Variants in KIAA1671 observed in about 807,000 individuals in gnomAD.
The protein encoded by KIAA1671 is KIAA1671.
Under a neutral mutation model 131.2 loss-of-function variants are expected in KIAA1671, and 52 were observed. That is an observed-to-expected ratio of 0.40 (90% CI 0.32 to 0.50). KIAA1671 has a LOEUF of 0.50. Ranked by LOEUF, KIAA1671 falls within the 20% of genes least tolerant of loss-of-function variation. KIAA1671 has a pLI of 0.73. For synonymous variants in KIAA1671, 1,003 were observed against 961.6 expected (o/e 1.04, Z -0.80); for missense variants, 2,360 against 2,364.2 (o/e 1.00, Z 0.04).
chr22:25,040,066 A>G lies in KIAA1671; in HGVS notation c.2936A>G (p.Tyr979Cys). 6.4e-7 allele frequency: 1 copy of G among 1,551,710 alleles called. No individual in the cohort carries two copies. Among genetic ancestry groups the G allele is most frequent in the Non-Finnish European group, 8.7e-7 (1 of 1,147,004 alleles). ...SPHVGHRRTD[Y>C]VSPTASALRK... ...CATGTGGGGCACAGACGAACAGATTATGTGAGCCCCACAGCCAGTGCCTTA... is the reference window on the plus strand; with the variant it reads ...CATGTGGGGCACAGACGAACAGATTGTGTGAGCCCCACAGCCAGTGCCTTA... Residue 979 changes from tyrosine to cysteine, a missense_variant, in exon 5 of 13, where the codon TAT (tyrosine) becomes TGT (cysteine). Physicochemically the swap from Tyr to Cys is radical, Grantham distance 194 (BLOSUM62 -2). This residue lies in a region of KIAA1671 where 1,161 missense variants were observed against 1,204.7 expected (regional missense o/e 0.96). Transcript: ENST00000358431.
At chr22:25,124,801 G>A (rs1375045593) in intron 6 of KIAA1671, among the ~76,000 whole-genome samples, 1 of 152,184 alleles carries the variant, frequency 6.6e-6, no homozygotes, top group East Asian at 1.9e-4. Context: ...CTGTTACCCA[G>A]GCTGGAGTGC....
At chr22:25,167,127 G>A (rs527646605) in intron 6 of KIAA1671, among the ~76,000 whole-genome samples, 1 of 152,226 alleles carries the variant, frequency 6.6e-6, no homozygotes, top group Non-Finnish European at 1.5e-5. Context: ...TGTCGATGGT[G>A]CTGTGCCTCT....
intron 6 of KIAA1671, among the ~76,000 whole-genome samples, chr22:25,152,812 C>G (rs1933094562): frequency 6.6e-6 from 1 of 152,148 alleles, no homozygotes; most frequent in African/African-American, 2.4e-5. Flanking sequence ...ACCATGTTGG[C>G]CAGGCTGGTC....
intron 1 of KIAA1671, chr22:25,012,246 A>T (rs1781514593): frequency 6.6e-6 from 1 of 151,018 alleles, no homozygotes; most frequent in South Asian, 2.1e-4. Context: ...CTGTTGTTTT[A>T]TTTTTAAATT....
At chr22:25,183,451 TCC>T (rs1407569259) in intron 10 of KIAA1671, among the ~76,000 whole-genome samples, 5 of 52,886 alleles carry the variant, frequency 9.5e-5, no homozygotes, top group African/African-American at 2.5e-4. Context: ...CCTCCCTCCC[TCC>T]CTCCCTCCCT....
intron 11 of KIAA1671, among the ~76,000 whole-genome samples, chr22:25,187,437 G>A (rs577321527): frequency 6.6e-6 from 1 of 151,980 alleles, no homozygotes; most frequent in African/African-American, 2.4e-5. Context: ...CCATATGAAT[G>A]TTTTCCCGTG....
chr22:25,058,823 T>TA (rs1469501521), intron 6 of KIAA1671: 1 of 152,258 alleles, frequency 6.6e-6, no homozygotes, highest in Non-Finnish European at 1.5e-5. Context: ...CCTCATCACT[T>TA]ACGTCTGGTG....
At chr22:25,085,871 C>T (rs139989301) in intron 6 of KIAA1671, among the ~76,000 whole-genome samples, 33 of 152,130 alleles carry the variant, frequency 2.2e-4, no homozygotes, top group African/African-American at 6.0e-4. Context: ...GTCCCTGACA[C>T]ATAGTAGGCA....
chr22:25,152,278 T>C (rs1244498958), intron 6 of KIAA1671, among the ~76,000 whole-genome samples: 2 of 152,182 alleles, frequency 1.3e-5, no homozygotes, highest in Admixed American at 1.3e-4. Context: ...GTAGAGTGAC[T>C]GGGACCCAGG....
At chr22:25,180,455 T>C (rs1363838463) in intron 9 of KIAA1671, among the ~76,000 whole-genome samples, 1 of 152,056 alleles carries the variant, frequency 6.6e-6, no homozygotes, top group Non-Finnish European at 1.5e-5. Flanking sequence ...GGAGAATCGA[T>C]TGAACCCAGG....
intron 9 of KIAA1671, among the ~76,000 whole-genome samples, chr22:25,178,674 C>G (rs1217295598): frequency 3.9e-5 from 6 of 152,218 alleles, no homozygotes; most frequent in Non-Finnish European, 5.9e-5. Context: ...AGACTCAGGG[C>G]AGGTCCCCAA....
At chr22:25,021,777 G>A (rs1169256259) in intron 1 of KIAA1671, among the ~76,000 whole-genome samples, 4 of 151,784 alleles carry the variant, frequency 2.6e-5, no homozygotes, top group African/African-American at 4.8e-5. Context: ...TTGCCAATCC[G>A]TTCCTGGCTC....
chr22:24,953,547 A>AGTCC (rs1921529596), intron 1 of KIAA1671, among the ~76,000 whole-genome samples: 1 of 151,938 alleles, frequency 6.6e-6, no homozygotes, highest in Non-Finnish European at 1.5e-5. Context: ...ATTAAGCCTC[A>AGTCC]GTCCCCCTGT....
intron 3 of KIAA1671, 66 bp downstream of exon 3, chr22:25,029,606 C>T (rs980401965): frequency 6.6e-5 from 81 of 1,218,894 alleles, no homozygotes; most frequent in Middle Eastern, 2.3e-4. Context: ...AAGACGGAAC[C>T]AGGCTCCATG....
intron 6 of KIAA1671, among the ~76,000 whole-genome samples, chr22:25,158,386 C>T (rs1933315557): frequency 6.6e-6 from 1 of 152,156 alleles, no homozygotes; most frequent in African/African-American, 2.4e-5. Flanking sequence ...CAGTTCCTGA[C>T]CTCAGGGAGC....
chr22:25,025,441 C>T (rs1009209522), intron 1 of KIAA1671, among the ~76,000 whole-genome samples, 192 bp from the exon 2 acceptor site: 1 of 152,102 alleles, frequency 6.6e-6, no homozygotes, highest in African/African-American at 2.4e-5. Flanking sequence ...TTATTGAGCA[C>T]GTACTGTGGG....
intron 6 of KIAA1671, among the ~76,000 whole-genome samples, chr22:25,090,388 A>T (rs896933143): frequency 2.0e-5 from 3 of 152,320 alleles, no homozygotes; most frequent in Middle Eastern, 3.4e-3. Flanking sequence ...CACCCTAAAC[A>T]TGTTCAGGAC....
chr22:25,041,665 G>A (rs1179886216), intron 5 of KIAA1671, 140 bp downstream of exon 5: 2 of 859,838 alleles, frequency 2.3e-6, no homozygotes, highest in Non-Finnish European at 1.7e-6. Flanking sequence ...CCAGGGAGGG[G>A]TATGGATTGT....
intron 10 of KIAA1671, among the ~76,000 whole-genome samples, chr22:25,183,633 C>T (rs891627380): frequency 1.1e-4 from 16 of 152,110 alleles, no homozygotes; most frequent in Non-Finnish European, 1.5e-4. Context: ...AGCGATTCTC[C>T]TGCCTCAGCC....
Sources: allele counts gnomAD v4.1 joint callset (sites outside exome capture counted in the v4.1 genomes callset), GRCh38; gene constraint gnomAD v4.1.1; regional missense constraint gnomAD v4.1.1; transcripts MANE v1.5; gene names NCBI Gene and HGNC (gene_info 2026-07-23, HGNC 2026-07-21).